EFHC1: variants seen among roughly 807,000 people sequenced by gnomAD.
The protein encoded by EFHC1 is EF-hand domain containing 1.
A neutral mutation model predicts 69.9 loss-of-function variants in EFHC1; 53 were observed. That is an observed-to-expected ratio of 0.76 (90% CI 0.61 to 0.95). The LOEUF (loss-of-function observed/expected upper bound fraction) is 0.95. Among genes scored for constraint, EFHC1 ranks in the 40% least tolerant of loss-of-function variants. The pLI is 0.00. For synonymous variants in EFHC1, 256 were observed against 278.4 expected (o/e 0.92, Z 0.80); for missense variants, 739 against 798.7 (o/e 0.93, Z 0.90).
At position 52,492,667 on chromosome 6, in the gene EFHC1, T is replaced by G. The variant is rs1280672841; in HGVS notation, c.*326T>G. On this transcript the variant is annotated 3_prime_UTR_variant, in exon 11 of 11. Transcript: ENST00000371068. ...TCTCACTCTGTCATACAGGCTGGAG[T>G]GTGGTGGCACTATCCTAGTTCTATG... 20 of 462,802 alleles carry G rather than the reference T, an allele frequency of 4.3e-5. No homozygotes were observed. In the East Asian group the frequency reaches 1.2e-3, roughly 28 times the overall value. The allele number at this position is 462,802 out of a possible 1,614,324, so 28.7% of individuals were successfully genotyped here.
At chr6:52,424,266 T>C in intron 2 of EFHC1, 99 bp downstream of exon 2, 1 of 1,170,492 alleles carries the variant, frequency 8.5e-7, no homozygotes, top group Non-Finnish European at 1.2e-6. Context: ...TCCAAAGGGC[T>C]CTGAGGAGAA....
intron 5 of EFHC1, among the ~76,000 whole-genome samples, chr6:52,459,685 G>T (rs1318961835): frequency 6.6e-6 from 1 of 151,516 alleles, no homozygotes; most frequent in African/African-American, 2.4e-5. Flanking sequence ...TTGTTTGTTT[G>T]TTTTTTTGAG....
intron 3 of EFHC1, among the ~76,000 whole-genome samples, chr6:52,439,512 T>G (rs1764612078): frequency 6.6e-6 from 1 of 152,180 alleles, no homozygotes; most frequent in Non-Finnish European, 1.5e-5. Flanking sequence ...AGTGCACCAT[T>G]TCTCCTTTCC....
chr6:52,462,658 G>A (rs932409194), intron 5 of EFHC1, among the ~76,000 whole-genome samples: 1 of 152,174 alleles, frequency 6.6e-6, no homozygotes, highest in Non-Finnish European at 1.5e-5. Flanking sequence ...GGCCAAGGCA[G>A]GCGGATCACT....
intron 9 of EFHC1, chr6:52,482,674 T>C (rs1765705703): frequency 2.5e-6 from 1 of 396,150 alleles, no homozygotes; most frequent in South Asian, 1.4e-4. Context: ...AGACTTCCTT[T>C]AATGAGAATG....
At chr6:52,446,871 G>C (rs1021938272) in intron 3 of EFHC1, among the ~76,000 whole-genome samples, 2 of 152,196 alleles carry the variant, frequency 1.3e-5, no homozygotes, top group South Asian at 2.1e-4. Flanking sequence ...TTTTCTTTAA[G>C]AATGTTGATT....
At chr6:52,472,037 C>G (rs1318526162) in intron 7 of EFHC1, among the ~76,000 whole-genome samples, 1 of 151,278 alleles carries the variant, frequency 6.6e-6, no homozygotes, top group Non-Finnish European at 1.5e-5. Flanking sequence ...ATCACATTAA[C>G]AGAATAAAAG....
chr6:52,453,914 A>G (rs1764978293), intron 4 of EFHC1, 181 bp from the exon 5 acceptor site: 3 of 1,470,880 alleles, frequency 2.0e-6, no homozygotes, highest in Non-Finnish European at 2.7e-6. Flanking sequence ...CATATAGTAC[A>G]TAATTTCAGA....
chr6:52,423,544 C>G, intron 1 of EFHC1: 1 of 375,070 alleles, frequency 2.7e-6, no homozygotes, highest in Admixed American at 4.3e-5. Flanking sequence ...CACTGTTGCC[C>G]AGGCTGGAGT....
rs751999462 is a variant in EFHC1 at position 52,479,657 on chromosome 6, A to G, written c.1510A>G (p.Ile504Val). ...AVIEVFGHRF[I>V]ILDTDEYVLK... ...CTCTCCAGTGTTTGGTCACCGGTTC[A>G]TCATCCTTGATACAGACGAGTATGT... Residue 504 changes from isoleucine (I) to valine (V), a missense_variant, in exon 9 of 11, where the codon ATC (isoleucine) becomes GTC (valine). Coordinates refer to ENST00000371068, the MANE Select transcript of EFHC1 (RefSeq NM_018100.4). The G allele has an allele frequency of 6.2e-7, 1 of 1,614,210 alleles. No homozygotes were observed. The highest frequency in any genetic ancestry group is 8.5e-7 in the Non-Finnish European group (1 of 1,180,032).
At chr6:52,425,747 A>G (rs957240888) in intron 2 of EFHC1, among the ~76,000 whole-genome samples, 6 of 152,206 alleles carry the variant, frequency 3.9e-5, no homozygotes, top group African/African-American at 1.4e-4. Context: ...TGTTTATAAT[A>G]AGGGAATTAT....
At chr6:52,459,912 G>C (rs1231209762) in intron 5 of EFHC1, among the ~76,000 whole-genome samples, 4 of 152,180 alleles carry the variant, frequency 2.6e-5, no homozygotes, top group African/African-American at 9.7e-5. Flanking sequence ...CTGACCTCGT[G>C]ATCCACCCGC....
Position 52,495,932 on chromosome 6 carries a change from G to A in EFHC1, c.*3591G>A, listed in dbSNP as rs7774654. The A allele has an allele frequency of 0.034, 9,255 of 274,802 alleles. 225 individuals carry two copies. The highest frequency in any genetic ancestry group is 0.075 in the African/African-American group (3,406 of 45,574). The allele number at this position is 274,802 out of a possible 1,614,324, so 17.0% of individuals were successfully genotyped here. On this transcript the variant is annotated 3_prime_UTR_variant, in exon 11 of 11. Transcript: ENST00000371068. ...CCATTTCTGTGGTGTCCAAACACTC[G>A]CTGCTCACCTGTTTATACAAAGCAG... is the stretch of plus-strand genomic sequence containing the variant.
At chr6:52,452,548 T>C (rs371655896) in intron 3 of EFHC1, 140 bp from the exon 4 acceptor site, 4 of 902,546 alleles carry the variant, frequency 4.4e-6, no homozygotes, top group South Asian at 4.4e-5. Context: ...GGAGTCCTCC[T>C]ACCTCAGCCT....
chr6:52,484,283 C>T (rs1765741558), intron 9 of EFHC1: 1 of 152,028 alleles, frequency 6.6e-6, no homozygotes, highest in East Asian at 1.9e-4. Context: ...TTGAGGGCCC[C>T]AAAGAGTTTT....
At chr6:52,458,987 T>C (rs1362247252) in intron 5 of EFHC1, among the ~76,000 whole-genome samples, 1 of 152,204 alleles carries the variant, frequency 6.6e-6, no homozygotes, top group Non-Finnish European at 1.5e-5. Flanking sequence ...GCCATTATAC[T>C]AAGTGAATTA....
intron 3 of EFHC1, among the ~76,000 whole-genome samples, chr6:52,444,341 G>A (rs1456145509): frequency 2.6e-5 from 4 of 152,212 alleles, no homozygotes; most frequent in Non-Finnish European, 5.9e-5. Context: ...TAGGAGTGGT[G>A]AGAGAGGGCA....
At chr6:52,433,831 T>C (rs1034156173) in intron 2 of EFHC1, among the ~76,000 whole-genome samples, 4 of 152,222 alleles carry the variant, frequency 2.6e-5, no homozygotes, top group African/African-American at 9.6e-5. Flanking sequence ...GCTCAGACTC[T>C]CCTTGGGCAG....
At chr6:52,450,517 T>C (rs1276843670) in intron 3 of EFHC1, among the ~76,000 whole-genome samples, 1 of 152,194 alleles carries the variant, frequency 6.6e-6, no homozygotes, top group Non-Finnish European at 1.5e-5. Flanking sequence ...TTTAGCATAG[T>C]TAGTTTTTTT....
Sources: gnomAD v4.1 joint callset for allele counts (sites outside exome capture counted in the v4.1 genomes callset) on GRCh38, gnomAD v4.1.1 for gene constraint, MANE v1.5 for transcripts, NCBI Gene and HGNC (gene_info 2026-07-23, HGNC 2026-07-21) for gene names.